The following MIR2052HG variants were observed in gnomAD, a reference collection of about 807,000 sequenced individuals.
The protein encoded by MIR2052HG is MIR2052 host gene.
chr8:74,747,530 C>T (rs569745834), intron 4 of MIR2052HG, among the ~76,000 whole-genome samples: 52 of 152,148 alleles, frequency 3.4e-4, no homozygotes, highest in African/African-American at 1.0e-3. Context: ...TACCAAAAAA[C>T]CTAAAAAGCT....
intron 4 of MIR2052HG, among the ~76,000 whole-genome samples, chr8:74,724,797 C>T (rs756621465): frequency 5.9e-5 from 9 of 152,058 alleles, no homozygotes; most frequent in Non-Finnish European, 1.3e-4. Context: ...CAAATTAAAA[C>T]AAAAATGGAT....
At chr8:74,677,689 G>C (rs1809069840) in intron 2 of MIR2052HG, among the ~76,000 whole-genome samples, 1 of 152,076 alleles carries the variant, frequency 6.6e-6, no homozygotes, top group South Asian at 2.1e-4. Flanking sequence ...AGTATGCAGT[G>C]AAAGCAGTAT....
rs376004432 is a variant in MIR2052HG, at chr8:74,628,283, A to C, written n.216+15343A>C. Among the ~76,000 whole-genome samples, 8 of 152,338 alleles carry C rather than the reference A, an allele frequency of 5.3e-5. No homozygotes were observed. In the East Asian group the frequency reaches 1.2e-3, roughly 22 times the overall value. On this transcript the variant is annotated intron_variant and non_coding_transcript_variant, in intron 2 of 6. Transcript: ENST00000523442. ...ACAAAAGTCTTTGTATGAAAGCAGA[A>C]ACTAAACATTCGTTCAAGGGCTTGG... is the stretch of plus-strand genomic sequence containing the variant.
chr8:74,601,097 T>C (rs1807993897), intron 1 of MIR2052HG, among the ~76,000 whole-genome samples: 1 of 152,254 alleles, frequency 6.6e-6, no homozygotes, highest in Non-Finnish European at 1.5e-5. Context: ...AGAATTTTAA[T>C]GCAGTCAGGT....
intron 2 of MIR2052HG, among the ~76,000 whole-genome samples, chr8:74,681,111 C>T (rs1166549939): frequency 6.7e-6 from 1 of 150,260 alleles, no homozygotes; most frequent in African/African-American, 2.5e-5. Context: ...ATACCTAATA[C>T]TAGATGACGA....
At chr8:74,743,556 T>G (rs531750115) in intron 4 of MIR2052HG, among the ~76,000 whole-genome samples, 1 of 152,174 alleles carries the variant, frequency 6.6e-6, no homozygotes, top group Non-Finnish European at 1.5e-5. Context: ...CCAGACCTCA[T>G]AGCTTGGAAG....
intron 6 of MIR2052HG, chr8:74,758,173 T>C (rs1329050058): frequency 6.6e-6 from 1 of 152,178 alleles, no homozygotes; most frequent in Non-Finnish European, 1.5e-5. Context: ...TTAATGGAAT[T>C]CTGTCTCTAT....
At chr8:74,677,344 T>G (rs1045010560) in intron 2 of MIR2052HG, among the ~76,000 whole-genome samples, 1 of 152,002 alleles carries the variant, frequency 6.6e-6, no homozygotes. Flanking sequence ...TAAATAGATA[T>G]GCATGAAATC....
chr8:74,692,941 C>T (rs569492291), intron 2 of MIR2052HG, among the ~76,000 whole-genome samples: 4 of 152,252 alleles, frequency 2.6e-5, no homozygotes, highest in African/African-American at 9.6e-5. Flanking sequence ...CAAGAAAAGA[C>T]ATGACCTATG....
At chr8:74,719,578 A>G (rs1028566956) in intron 4 of MIR2052HG, among the ~76,000 whole-genome samples, 1 of 152,122 alleles carries the variant, frequency 6.6e-6, no homozygotes, top group Non-Finnish European at 1.5e-5. Context: ...TGGCTTCTAG[A>G]TATCAGTTTT....
At chr8:74,640,467 CAAAAAAAAA>C (rs35779504) in intron 2 of MIR2052HG, among the ~76,000 whole-genome samples, 1 of 83,588 alleles carries the variant, frequency 1.2e-5, no homozygotes, top group Non-Finnish European at 2.3e-5. Context: ...GACTCCGTCT[CAAAAAAAAA>C]AAAAAAAAAA....
At chr8:74,621,915 A>G (rs767464400) in intron 2 of MIR2052HG, among the ~76,000 whole-genome samples, 1 of 152,180 alleles carries the variant, frequency 6.6e-6, no homozygotes, top group Non-Finnish European at 1.5e-5. Context: ...TGGATTAGAG[A>G]CTCAAATGTA....
intron 2 of MIR2052HG, among the ~76,000 whole-genome samples, chr8:74,657,546 G>C (rs1808819251): frequency 6.6e-6 from 1 of 152,104 alleles, no homozygotes; most frequent in African/African-American, 2.4e-5. Flanking sequence ...TTTTCACACT[G>C]CTGACAAAGA....
intron 2 of MIR2052HG, among the ~76,000 whole-genome samples, chr8:74,699,071 C>T (rs1014674769): frequency 6.6e-6 from 1 of 152,096 alleles, no homozygotes; most frequent in Non-Finnish European, 1.5e-5. Context: ...CCACCTTACT[C>T]CTGCAAGAAT....
chr8:74,600,526 G>C (rs1022635236), intron 1 of MIR2052HG, among the ~76,000 whole-genome samples: 15 of 148,936 alleles, frequency 1.0e-4, no homozygotes, highest in African/African-American at 3.5e-4. Flanking sequence ...AGGTTGTGGT[G>C]AGCTGCATTC....
At chr8:74,714,926 C>T (rs981202122) in intron 4 of MIR2052HG, among the ~76,000 whole-genome samples, 8 of 151,938 alleles carry the variant, frequency 5.3e-5, no homozygotes, top group African/African-American at 1.7e-4. Context: ...GTGATCCACC[C>T]GCCTTGGCCT....
At chr8:74,692,642 T>G (rs1218241469) in intron 2 of MIR2052HG, among the ~76,000 whole-genome samples, 1 of 152,228 alleles carries the variant, frequency 6.6e-6, no homozygotes, top group Non-Finnish European at 1.5e-5. Flanking sequence ...TTTACATAAG[T>G]TTCTCAAAGT....
intron 1 of MIR2052HG, among the ~76,000 whole-genome samples, chr8:74,608,315 G>A (rs1245394567): frequency 1.3e-5 from 2 of 152,062 alleles, no homozygotes; most frequent in African/African-American, 4.8e-5. Context: ...GGGAATGGGG[G>A]AAATGGAGAA....
chr8:74,729,806 C>G (rs1030274736), intron 4 of MIR2052HG, among the ~76,000 whole-genome samples: 3 of 152,102 alleles, frequency 2.0e-5, no homozygotes, highest in Non-Finnish European at 2.9e-5. Context: ...CTTCCTCTTA[C>G]CTCCATCAAA....
Sources: gnomAD v4.1 joint callset for allele counts (sites outside exome capture counted in the v4.1 genomes callset) on GRCh38, gnomAD v4.1.1 for gene constraint, MANE v1.5 for transcripts, NCBI Gene and HGNC (gene_info 2026-07-23, HGNC 2026-07-21) for gene names.